AOPEP: variants seen among roughly 807,000 people sequenced by gnomAD.
The protein encoded by AOPEP is aminopeptidase O.
Under a neutral mutation model 98.1 loss-of-function variants are expected in AOPEP, and 77 were observed. The ratio of observed to expected loss-of-function variants is 0.78; its 90% CI spans 0.65 to 0.95. The LOEUF (loss-of-function observed/expected upper bound fraction) is 0.95, where lower values mean the gene tolerates loss of function less well. Ranked by LOEUF, AOPEP falls within the 40% of genes least tolerant of loss-of-function variation. The probability of loss-of-function intolerance (pLI) is 0.00; values close to 1 mark genes in which losing one functional copy is unlikely to be tolerated. For synonymous variants in AOPEP, 346 were observed against 365.3 expected, an observed-to-expected ratio of 0.95 and a Z score of 0.60; for missense variants, 1,024 against 1,024.7, an observed-to-expected ratio of 1.00 and a Z score of 0.01.
intron 7 of AOPEP, among the ~76,000 whole-genome samples, chr9:94,944,979 C>T (rs749119637): frequency 6.6e-6 from 1 of 152,026 alleles, no homozygotes; most frequent in Non-Finnish European, 1.5e-5. Flanking sequence ...ACCCCTGTAG[C>T]CTGGTGGGGT....
intron 5 of AOPEP, among the ~76,000 whole-genome samples, chr9:94,923,279 T>C (rs192454653): frequency 1.3e-5 from 2 of 152,348 alleles, no homozygotes; most frequent in African/African-American, 4.8e-5. Context: ...AATCTCCCTG[T>C]CTGGTGCCAG....
At chr9:94,881,755 G>T (rs1001117152) in intron 5 of AOPEP, among the ~76,000 whole-genome samples, 1 of 152,182 alleles carries the variant, frequency 6.6e-6, no homozygotes, top group South Asian at 2.1e-4. Context: ...GAGTTCTGTC[G>T]TCCGAAACTT....
chr9:95,116,532 A>G, the AOPEP span, among the ~76,000 whole-genome samples: 1 of 152,230 alleles, frequency 6.6e-6, no homozygotes, highest in African/African-American at 2.4e-5. Context: ...ATGGCATAAA[A>G]AGGAAATGTG....
chr9:95,054,229 G>A (rs962754441), intron 13 of AOPEP, among the ~76,000 whole-genome samples: 2 of 152,170 alleles, frequency 1.3e-5, no homozygotes, highest in African/African-American at 2.4e-5. Context: ...TTCTTGAGAA[G>A]CATAGATCAG....
At chr9:94,763,639 G>T (rs1395467464) in intron 2 of AOPEP, among the ~76,000 whole-genome samples, 1 of 152,130 alleles carries the variant, frequency 6.6e-6, no homozygotes, top group Non-Finnish European at 1.5e-5. Context: ...TCCAGAACAG[G>T]GGCAGGAAAT....
chr9:94,875,207 AC>A (rs1443846214), intron 5 of AOPEP, among the ~76,000 whole-genome samples: 9 of 151,906 alleles, frequency 5.9e-5, no homozygotes, highest in African/African-American at 2.2e-4. Context: ...TTATTTTTCA[AC>A]CCAGGGTCCA....
At chr9:94,861,401 T>C (rs76103905) in intron 5 of AOPEP, among the ~76,000 whole-genome samples, 1,814 of 152,284 alleles carry the variant, frequency 0.012, 41 homozygotes, top group African/African-American at 0.04. Context: ...CATATACTGG[T>C]TCTTTCCTGT....
At chr9:94,955,048 A>T in intron 7 of AOPEP, 129 bp from the exon 8 acceptor site, 1 of 561,974 alleles carries the variant, frequency 1.8e-6, no homozygotes, top group Non-Finnish European at 3.1e-6. Flanking sequence ...GTTCTAAATT[A>T]TACCTGGTAC....
downstream of AOPEP, among the ~76,000 whole-genome samples, chr9:95,089,580 G>A (rs1386747871): frequency 1.3e-5 from 2 of 152,178 alleles, no homozygotes; most frequent in African/African-American, 4.8e-5. Context: ...TGAAGCCTCC[G>A]TGTCCAGGCA....
At chr9:94,729,440 T>A (rs1830004615) in intron 1 of AOPEP, among the ~76,000 whole-genome samples, 1 of 151,988 alleles carries the variant, frequency 6.6e-6, no homozygotes, top group Non-Finnish European at 1.5e-5. Context: ...CATGATGGCA[T>A]ATGCCTGTAG....
intron 5 of AOPEP, among the ~76,000 whole-genome samples, chr9:94,816,996 G>A (rs528400302): frequency 6.6e-6 from 1 of 152,268 alleles, no homozygotes; most frequent in African/African-American, 2.4e-5. Flanking sequence ...CCATTGTACT[G>A]CATTCTGTTT....
the AOPEP span, chr9:95,111,463 C>T: frequency 1.9e-6 from 3 of 1,612,368 alleles, no homozygotes; most frequent in South Asian, 3.3e-5. Context: ...TGCTACCCAC[C>T]ATAGTCTGTG....
chr9:95,105,883 G>A, the AOPEP span, among the ~76,000 whole-genome samples: 5 of 152,282 alleles, frequency 3.3e-5, no homozygotes, highest in South Asian at 2.1e-4. Context: ...CTCTACAGGC[G>A]TTTAGGCCAT....
chr9:95,060,978 C>T, intron 14 of AOPEP, 168 bp downstream of exon 14: 1 of 565,362 alleles, frequency 1.8e-6, no homozygotes, highest in Non-Finnish European at 3.2e-6. Flanking sequence ...TATGCTTATG[C>T]TTCTAATCAG....
chr9:94,878,107 A>G (rs747742475), intron 5 of AOPEP, among the ~76,000 whole-genome samples: 1 of 151,974 alleles, frequency 6.6e-6, no homozygotes, highest in African/African-American at 2.4e-5. Context: ...AGCTAATGCC[A>G]TCTAGTGATT....
intron 9 of AOPEP, among the ~76,000 whole-genome samples, chr9:94,965,551 C>A (rs2059135661): frequency 6.6e-6 from 1 of 152,216 alleles, no homozygotes; most frequent in African/African-American, 2.4e-5. Flanking sequence ...AGATTTCTAT[C>A]CCTCTGTAAT....
chr9:95,075,062 A>G (rs1362141151), intron 14 of AOPEP, among the ~76,000 whole-genome samples: 1 of 151,622 alleles, frequency 6.6e-6, no homozygotes, highest in Admixed American at 6.6e-5. Context: ...TTCTTTCTCT[A>G]CTTGCCCAGT....
intron 5 of AOPEP, among the ~76,000 whole-genome samples, chr9:94,820,069 C>T (rs1852710117): frequency 6.6e-6 from 1 of 151,774 alleles, no homozygotes; most frequent in South Asian, 2.1e-4. Context: ...CCTCACCCTC[C>T]TGAATAGCTG....
chr9:94,884,640 A>G (rs918667271), intron 5 of AOPEP, among the ~76,000 whole-genome samples: 5 of 152,174 alleles, frequency 3.3e-5, no homozygotes, highest in African/African-American at 7.2e-5. Context: ...CGTCATCCAA[A>G]AAGTGGGGAT....
Sources: gnomAD v4.1 joint callset for allele counts (sites outside exome capture counted in the v4.1 genomes callset) on GRCh38, gnomAD v4.1.1 for gene constraint, MANE v1.5 for transcripts, NCBI Gene and HGNC (gene_info 2026-07-23, HGNC 2026-07-21) for gene names.